The following CDH13 variants were observed in gnomAD, a reference collection of about 807,000 sequenced individuals.
CDH13 encodes the protein cadherin 13.
Under a neutral mutation model 63.8 loss-of-function variants are expected in CDH13, and 24 were observed. The ratio of observed to expected loss-of-function variants is 0.38; its 90% CI spans 0.27 to 0.53. The LOEUF (loss-of-function observed/expected upper bound fraction) is 0.53. Among genes scored for constraint, CDH13 ranks in the 20% least tolerant of loss-of-function variants. CDH13 has a pLI of 0.85. For missense variants in CDH13, 1,049 were observed against 903.1 expected, an observed-to-expected ratio of 1.16 and a Z score of -2.07; for synonymous variants, 503 against 355.3, an observed-to-expected ratio of 1.42 and a Z score of -4.67.
At chr16:83,527,416 T>G (rs528040789) in intron 7 of CDH13, among the ~76,000 whole-genome samples, 2 of 151,504 alleles carry the variant, frequency 1.3e-5, no homozygotes, top group African/African-American at 4.9e-5. Context: ...GCCACTGCAC[T>G]CCAGCCTGGG....
At chr16:83,385,221 CATT>C (rs1383275755) in intron 6 of CDH13, among the ~76,000 whole-genome samples, 2 of 152,212 alleles carry the variant, frequency 1.3e-5, no homozygotes, top group Non-Finnish European at 2.9e-5. Context: ...GAGAGAGAAT[CATT>C]GTTTCCATTA....
intron 2 of CDH13, among the ~76,000 whole-genome samples, chr16:82,869,905 C>T (rs896266468): frequency 2.6e-5 from 4 of 152,052 alleles, no homozygotes; most frequent in African/African-American, 9.7e-5. Flanking sequence ...GGAAATACTC[C>T]AGGACATTGG....
At chr16:83,621,632 A>G (rs942530186) in intron 8 of CDH13, among the ~76,000 whole-genome samples, 1 of 151,482 alleles carries the variant, frequency 6.6e-6, no homozygotes, top group African/African-American at 2.4e-5. Context: ...AATTACAGGC[A>G]TGTGCCACCA....
rs1168012793 is a variant in CDH13 at position 83,646,712 on chromosome 16, A to AAAAAAACACAC, written c.1102-24077_1102-24076insAAAAACACACA. The stretch of plus-strand genomic sequence containing the variant: ...CGTCTCAAAAAAAAAAAAAAAAAAA[A>AAAAAAACACAC]ACACACACACACACACACACACACA... On this transcript the variant is annotated intron_variant, in intron 8 of 13. Transcript: ENST00000567109. Among the ~76,000 whole-genome samples, 140 of 80,484 alleles carry AAAAAAACACAC rather than the reference A, an allele frequency of 1.7e-3. 2 individuals are homozygous for AAAAAAACACAC. Among genetic ancestry groups the AAAAAAACACAC allele is most frequent in the East Asian group, 4.1e-3 (9 of 2,188 alleles). The allele number at this position is 80,484 out of a possible 152,430, so 52.8% of individuals were successfully genotyped here.
intron 7 of CDH13, among the ~76,000 whole-genome samples, chr16:83,582,876 A>C (rs1905756734): frequency 6.6e-6 from 1 of 152,266 alleles, no homozygotes; most frequent in Admixed American, 6.5e-5. Context: ...TCCACTGAGC[A>C]GAATGGCCAT....
intron 5 of CDH13, among the ~76,000 whole-genome samples, chr16:83,309,870 C>T (rs1162720714): frequency 1.3e-5 from 2 of 151,676 alleles, no homozygotes; most frequent in Admixed American, 1.3e-4. Context: ...CAAATGGCTG[C>T]TTTATTTGTG....
intron 2 of CDH13, among the ~76,000 whole-genome samples, chr16:82,995,169 C>A (rs1421707280): frequency 6.6e-6 from 1 of 152,100 alleles, no homozygotes; most frequent in African/African-American, 2.4e-5. Context: ...CAACTAGGAC[C>A]CTCTCTCCAT....
intron 10 of CDH13, among the ~76,000 whole-genome samples, chr16:83,691,071 C>T (rs1053078054): frequency 5.0e-5 from 7 of 140,910 alleles, no homozygotes; most frequent in Admixed American, 2.2e-4. Flanking sequence ...CCAACTGTGC[C>T]GTGTGTGTGT....
At chr16:83,266,207 G>T (rs376353037) in intron 5 of CDH13, among the ~76,000 whole-genome samples, 10 of 152,120 alleles carry the variant, frequency 6.6e-5, no homozygotes, top group Non-Finnish European at 8.8e-5. Context: ...CAAAGTTCTG[G>T]GATTACATAC....
intron 6 of CDH13, among the ~76,000 whole-genome samples, chr16:83,429,051 A>G (rs888046793): frequency 2.6e-5 from 4 of 152,226 alleles, no homozygotes; most frequent in Admixed American, 2.6e-4. Context: ...ACAGTTACCA[A>G]AGGAAGAAAG....
At chr16:83,336,300 C>CAAAAAAAAAAA (rs376325733) in intron 5 of CDH13, among the ~76,000 whole-genome samples, 2 of 49,002 alleles carry the variant, frequency 4.1e-5, no homozygotes, top group African/African-American at 1.4e-4. Flanking sequence ...GACTCCATCT[C>CAAAAAAAAAAA]AAAAAAAAAA....
intron 4 of CDH13, among the ~76,000 whole-genome samples, chr16:83,142,489 C>G (rs1331002681): frequency 6.6e-6 from 1 of 152,142 alleles, no homozygotes; most frequent in African/African-American, 2.4e-5. Context: ...CTGCCTCCTA[C>G]TCATCCCTTG....
intron 7 of CDH13, among the ~76,000 whole-genome samples, chr16:83,529,953 T>C (rs914512840): frequency 2.6e-5 from 4 of 152,138 alleles, no homozygotes; most frequent in Non-Finnish European, 5.9e-5. Context: ...TAAGTAGGAG[T>C]GCAAAAGAAC....
At chr16:82,943,601 C>A (rs1217916583) in intron 2 of CDH13, among the ~76,000 whole-genome samples, 1 of 152,134 alleles carries the variant, frequency 6.6e-6, no homozygotes, top group Non-Finnish European at 1.5e-5. Context: ...ATGTCTGATG[C>A]AATATCTGTG....
chr16:83,349,176 C>CTGT (rs2090900501), intron 6 of CDH13, among the ~76,000 whole-genome samples: 1 of 152,194 alleles, frequency 6.6e-6, no homozygotes, highest in South Asian at 2.1e-4. Flanking sequence ...AGATCGTGAG[C>CTGT]TGTTGCTTTT....
chr16:82,697,762 TGTGTGTGTGTGTGTGTG>T, intron 1 of CDH13, among the ~76,000 whole-genome samples: 1 of 145,112 alleles, frequency 6.9e-6, no homozygotes, highest in South Asian at 2.1e-4. Flanking sequence ...TGTGTGTGTG[TGTGTGTGTGTGTGTGTG>T]TGTGTGTGTA....
At chr16:83,414,121 T>C (rs1267820828) in intron 6 of CDH13, among the ~76,000 whole-genome samples, 3 of 152,218 alleles carry the variant, frequency 2.0e-5, no homozygotes, top group Admixed American at 1.3e-4. Flanking sequence ...ATAGAAGTAC[T>C]CTCTGAAAAG....
intron 7 of CDH13, among the ~76,000 whole-genome samples, chr16:83,498,356 C>T (rs567298442): frequency 1.3e-5 from 2 of 150,916 alleles, no homozygotes; most frequent in Non-Finnish European, 2.9e-5. Context: ...TGAGGTAAAA[C>T]TGAGATTATT....
At chr16:82,967,715 A>T (rs1348326224) in intron 2 of CDH13, among the ~76,000 whole-genome samples, 1 of 152,172 alleles carries the variant, frequency 6.6e-6, no homozygotes, top group Non-Finnish European at 1.5e-5. Context: ...TGTGGCAAGA[A>T]CCTCATGGCA....
Sources: gnomAD v4.1 joint callset for allele counts (sites outside exome capture counted in the v4.1 genomes callset) on GRCh38, gnomAD v4.1.1 for gene constraint, MANE v1.5 for transcripts, NCBI Gene and HGNC (gene_info 2026-07-23, HGNC 2026-07-21) for gene names.